FOCAD: variants seen among roughly 807,000 people sequenced by gnomAD.
FOCAD encodes KIAA1797.
FOCAD carries 198 observed loss-of-function variants against 225.6 expected under a neutral mutation model. The observed-to-expected ratio is 0.88, with a 90% CI of 0.78 to 0.99. The LOEUF (loss-of-function observed/expected upper bound fraction) is 0.99, where lower values mean the gene tolerates loss of function less well. Ranked by LOEUF, FOCAD falls within the 50% of genes least tolerant of loss-of-function variation. FOCAD has a pLI of 0.00. For synonymous variants in FOCAD, 897 were observed against 755.0 expected, an observed-to-expected ratio of 1.19 and a Z score of -3.08; for missense variants, 2,713 against 2,123.6, an observed-to-expected ratio of 1.28 and a Z score of -5.46.
At chr9:20,988,188 G>A in intron 40 of FOCAD, 144 bp from the exon 41 acceptor site, 1 of 483,334 alleles carries the variant, frequency 2.1e-6, no homozygotes, top group Non-Finnish European at 3.7e-6. Flanking sequence ...GCAGTCACAA[G>A]TCTCGGGTAT....
At position 20,881,955 on chromosome 9, in the gene FOCAD, G is replaced by C. The variant is rs759785109; in HGVS notation, c.2402G>C (p.Gly801Ala). ...RGIYHSALKG[G>A]ARSDQGKTVA... ...ATATATCACTCTGCATTAAAAGGAG[G>C]TGCCCGCTCAGACCAAGGAAAGACT... Residue 801 changes from glycine to alanine, a missense_variant, in exon 20 of 44, where the codon GGT becomes GCT. Physicochemically the swap from Gly to Ala is moderately conservative, Grantham distance 60. Coordinates refer to ENST00000338382, the MANE Select transcript of FOCAD (RefSeq NM_001375567.1). 2 of 1,613,828 alleles carry C rather than the reference G, an allele frequency of 1.2e-6. No individual in the cohort carries two copies. The highest frequency in any genetic ancestry group is 2.2e-5 in the East Asian group (1 of 44,890).
chr9:20,842,979 A>G (rs1826694601), intron 15 of FOCAD, among the ~76,000 whole-genome samples: 1 of 152,024 alleles, frequency 6.6e-6, no homozygotes, highest in Admixed American at 6.6e-5. Context: ...GTAAAAACAA[A>G]CAAATCTAAT....
At position 20,789,602 on chromosome 9, in the gene FOCAD, C is replaced by T; in HGVS notation, c.1449C>T (p.Ser483=). The T allele has an allele frequency of 6.2e-7, 1 of 1,613,714 alleles. No individual in the cohort carries two copies. The highest frequency in any genetic ancestry group is 8.5e-7 in the Non-Finnish European group (1 of 1,179,802). The change falls in exon 11 of 44, where the codon TCC becomes TCT. Residue 483 remains serine, a synonymous_variant. Coordinates refer to ENST00000338382, the MANE Select transcript of FOCAD (RefSeq NM_001375567.1). ...KVTTELAQAD[S]SQVPNLIPVL... Reference sequence around the variant, plus strand: ...CTACAGAATTAGCCCAAGCAGATTCCTCCCAGGTAAAGCAAGAGAATAATG... The same window carrying T: ...CTACAGAATTAGCCCAAGCAGATTCTTCCCAGGTAAAGCAAGAGAATAATG...
Position 20,978,352 on chromosome 9 carries a change from G to C in FOCAD, c.4275G>C (p.Gln1425His). The change falls in exon 37 of 44, where the codon CAG becomes CAC. Residue 1425 changes from glutamine to histidine, a missense_variant. Physicochemically the swap from Gln to His is conservative, Grantham distance 24. Transcript: ENST00000338382. ...LMRLNFGEEI[Q>H]QLCLEIMVTQ... ...CTTGACTTTCAGGTGAAGAGATCCA[G>C]CAACTGTGCCTTGAAATTATGGTGA... 1 of 1,603,060 alleles carries C rather than the reference G, an allele frequency of 6.2e-7. No homozygotes were observed. Among genetic ancestry groups the C allele is most frequent in the Non-Finnish European group, 8.5e-7 (1 of 1,173,496 alleles).
chr9:20,662,158 T>G (rs1587171303), intron 2 of FOCAD, among the ~76,000 whole-genome samples: 1 of 152,158 alleles, frequency 6.6e-6, no homozygotes, highest in Admixed American at 6.6e-5. Flanking sequence ...AATGTGGCTG[T>G]GTTGCTAAAC....
intron 7 of FOCAD, among the ~76,000 whole-genome samples, chr9:20,767,848 T>C (rs1028167306): frequency 1.3e-5 from 2 of 151,610 alleles, no homozygotes; most frequent in Non-Finnish European, 3.0e-5. Flanking sequence ...CATTTGTCAA[T>C]TTTGTCTTTT....
intron 28 of FOCAD, among the ~76,000 whole-genome samples, chr9:20,938,492 C>T (rs1778384757): frequency 6.6e-6 from 1 of 151,846 alleles, no homozygotes; most frequent in Non-Finnish European, 1.5e-5. Context: ...AAAAACCAAA[C>T]ACCACATGTT....
At chr9:20,812,905 A>G (rs549021405) in intron 11 of FOCAD, among the ~76,000 whole-genome samples, 42 of 152,154 alleles carry the variant, frequency 2.8e-4, no homozygotes, top group Non-Finnish European at 4.7e-4. Context: ...ACCTTAAAAA[A>G]TTCTAATTGT....
At chr9:20,944,365 A>G (rs886425584) in intron 28 of FOCAD, among the ~76,000 whole-genome samples, 5 of 152,116 alleles carry the variant, frequency 3.3e-5, no homozygotes, top group African/African-American at 4.8e-5. Context: ...AAGTCAAACT[A>G]TTTCCTGCCT....
rs757339586 is a variant in FOCAD, at chr9:20,715,363, G to A, written c.10G>A (p.Asp4Asn). ...TGTAAGAGAAGCAAAAATGTCAGAT[G>A]ATATCAGGAAAAGGTTTGAATTTCC... MSDDIRKRFEFPNS... is the reference protein window; with the variant it reads MSDNIRKRFEFPNS... Residue 4 changes from aspartate to asparagine, a missense_variant, in exon 2 of 44, where the codon GAT (aspartate) becomes AAT (asparagine). Physicochemically the swap from Asp to Asn is conservative, Grantham distance 23. Coordinates refer to ENST00000338382, the MANE Select transcript of FOCAD (RefSeq NM_001375567.1). 10 of 1,523,522 alleles carry A rather than the reference G, an allele frequency of 6.6e-6. No individual in the cohort carries two copies. The highest frequency in any genetic ancestry group is 8.9e-6 in the Non-Finnish European group (10 of 1,129,284). The allele number at this position is 1,523,522 out of a possible 1,614,324, so 94.4% of individuals were successfully genotyped here.
At chr9:20,911,053 A>G (rs1833398229) in intron 22 of FOCAD, among the ~76,000 whole-genome samples, 1 of 152,114 alleles carries the variant, frequency 6.6e-6, no homozygotes, top group East Asian at 1.9e-4. Context: ...GAAAAGCATT[A>G]TAGGAAATGT....
chr9:20,826,016 G>A (rs531211360), intron 15 of FOCAD, among the ~76,000 whole-genome samples: 1 of 152,066 alleles, frequency 6.6e-6, no homozygotes. Flanking sequence ...TGCTGTTGAT[G>A]TATTGATTTG....
chr9:20,658,059 T>C (rs1312649719), upstream of FOCAD, among the ~76,000 whole-genome samples: 1 of 147,188 alleles, frequency 6.8e-6, no homozygotes, highest in Non-Finnish European at 1.5e-5. Flanking sequence ...AGTGTGCCCC[T>C]GCTGGGGGGT....
chr9:20,800,736 G>T (rs191571902), intron 11 of FOCAD, among the ~76,000 whole-genome samples: 1 of 152,026 alleles, frequency 6.6e-6, no homozygotes, highest in Non-Finnish European at 1.5e-5. Flanking sequence ...GGTTATTCTG[G>T]TTAGCCATTC....
chr9:20,871,994 A>G (rs936283273), intron 18 of FOCAD, among the ~76,000 whole-genome samples: 6 of 152,042 alleles, frequency 3.9e-5, no homozygotes, highest in Admixed American at 3.9e-4. Context: ...GTAATAAATA[A>G]TAAGTGCTAA....
At chr9:20,965,313 C>G (rs766653188) in intron 35 of FOCAD, among the ~76,000 whole-genome samples, 4 of 152,152 alleles carry the variant, frequency 2.6e-5, no homozygotes, top group Non-Finnish European at 5.9e-5. Context: ...CTGACTTCAA[C>G]TGACTCACAA....
chr9:20,940,183 C>G (rs976024091), intron 28 of FOCAD, among the ~76,000 whole-genome samples: 2 of 152,102 alleles, frequency 1.3e-5, no homozygotes, highest in Non-Finnish European at 2.9e-5. Context: ...TCAAGAAGTC[C>G]TTCTTCCATC....
At chr9:20,878,969 G>T (rs1309563557) in intron 19 of FOCAD, among the ~76,000 whole-genome samples, 1 of 152,122 alleles carries the variant, frequency 6.6e-6, no homozygotes, top group African/African-American at 2.4e-5. Context: ...TTCACCTTCT[G>T]CATTTGTTCT....
intron 17 of FOCAD, among the ~76,000 whole-genome samples, chr9:20,866,259 C>T (rs1243485688): frequency 3.3e-5 from 5 of 151,736 alleles, no homozygotes; most frequent in Non-Finnish European, 7.4e-5. Flanking sequence ...GGTCTTTCCC[C>T]TTTCCTGCTT....
Sources: allele counts gnomAD v4.1 joint callset (sites outside exome capture counted in the v4.1 genomes callset), GRCh38; gene constraint gnomAD v4.1.1; transcripts MANE v1.5; gene names NCBI Gene and HGNC (gene_info 2026-07-23, HGNC 2026-07-21).